Variants in AFF2 observed in about 807,000 individuals in gnomAD.
AFF2 encodes AF4/FMR2 family member 2.
AFF2 carries 14 observed loss-of-function variants against 76.9 expected under a neutral mutation model. That is an observed-to-expected ratio of 0.18 (90% CI 0.12 to 0.28). The LOEUF (loss-of-function observed/expected upper bound fraction) is 0.28, where lower values mean the gene tolerates loss of function less well. Among genes scored for constraint, AFF2 ranks in the 10% least tolerant of loss-of-function variants. The pLI, the probability that AFF2 is intolerant of heterozygous loss-of-function variation, is 1.00. For synonymous variants in AFF2, 398 were observed against 366.7 expected (o/e 1.09, Z -0.98); for missense variants, 868 against 1,001.1 (o/e 0.87, Z 1.79).
At chrX:148,779,241 C>T (rs1480873906) in intron 3 of AFF2, among the ~76,000 whole-genome samples, 1 of 111,588 alleles carries the variant, frequency 9.0e-6, no homozygotes, top group Non-Finnish European at 1.9e-5. Flanking sequence ...TTTGCATTTG[C>T]TGAGGAGTGT....
intron 3 of AFF2, among the ~76,000 whole-genome samples, chrX:148,800,968 C>A (rs1425408913): frequency 8.9e-6 from 1 of 112,032 alleles, no homozygotes; most frequent in South Asian, 3.8e-4. Context: ...TAATCGAGTT[C>A]TCTGTGCTCC....
chrX:148,581,322 A>G (rs111220972), intron 1 of AFF2, among the ~76,000 whole-genome samples: 1 of 78,026 alleles, frequency 1.3e-5, no homozygotes, highest in Non-Finnish European at 2.5e-5. Context: ...ATACGTGTAC[A>G]CACATATATA....
At chrX:148,538,865 C>T (rs1418596055) in intron 1 of AFF2, among the ~76,000 whole-genome samples, 1 of 111,246 alleles carries the variant, frequency 9.0e-6, no homozygotes, top group Non-Finnish European at 1.9e-5. Context: ...TTTTGAAGCC[C>T]CGTGACTTTT....
chrX:148,543,981 C>T (rs1411889028), intron 1 of AFF2, among the ~76,000 whole-genome samples: 2 of 111,981 alleles, frequency 1.8e-5, no homozygotes, highest in Non-Finnish European at 3.8e-5. Context: ...AGCTAATTAC[C>T]TCCCCTGGGA....
intron 16 of AFF2, among the ~76,000 whole-genome samples, 186 bp from the exon 17 acceptor site, chrX:148,977,747 T>C (rs2072344338): frequency 9.0e-6 from 1 of 111,318 alleles, no homozygotes; most frequent in Admixed American, 9.6e-5. Flanking sequence ...AGTCCTCTTA[T>C]GACATTTTTA....
intron 4 of AFF2, among the ~76,000 whole-genome samples, chrX:148,825,856 C>T (rs917449228): frequency 1.9e-5 from 2 of 107,899 alleles, no homozygotes; most frequent in African/African-American, 3.4e-5. Flanking sequence ...AGGAAGGCAA[C>T]GTGCTGTGGC....
intron 1 of AFF2, among the ~76,000 whole-genome samples, chrX:148,614,710 TTTCTTTCTTTC>T (rs782132210): frequency 3.0e-5 from 2 of 65,862 alleles, no homozygotes; most frequent in African/African-American, 1.8e-4. Context: ...TCTTTCTTTC[TTTCTTTCTTTC>T]TTTCTTTCTT....
intron 3 of AFF2, among the ~76,000 whole-genome samples, chrX:148,670,658 A>G: frequency 9.0e-6 from 1 of 111,231 alleles, no homozygotes; most frequent in Non-Finnish European, 1.9e-5. Flanking sequence ...GAGACCTAGG[A>G]ATTCTCTCAA....
At chrX:148,548,315 C>T (rs1557238421) in intron 1 of AFF2, among the ~76,000 whole-genome samples, 1 of 112,261 alleles carries the variant, frequency 8.9e-6, no homozygotes, top group African/African-American at 3.2e-5. Flanking sequence ...CACTACTTCC[C>T]AAGGTTTTGC....
chrX:148,683,289 C>T (rs782679653), intron 3 of AFF2, among the ~76,000 whole-genome samples: 1 of 112,156 alleles, frequency 8.9e-6, no homozygotes, highest in East Asian at 2.8e-4. Flanking sequence ...AAGATGAGGG[C>T]TTCATACATC....
At chrX:148,868,395 A>G (rs782440959) in intron 7 of AFF2, among the ~76,000 whole-genome samples, 1 of 112,005 alleles carries the variant, frequency 8.9e-6, no homozygotes, top group African/African-American at 3.2e-5. Context: ...GGCCGAAGTT[A>G]TGCTTTAGAA....
At chrX:148,586,544 G>C (rs1277115951) in intron 1 of AFF2, among the ~76,000 whole-genome samples, 1 of 111,656 alleles carries the variant, frequency 9.0e-6, no homozygotes, top group East Asian at 2.8e-4. Flanking sequence ...TCTGAGCTCT[G>C]TCAGTCTGCA....
rs781941308 is a variant in AFF2 at position 148,987,456 on chromosome X, G to A, written c.3713G>A (p.Arg1238His). 3.3e-6 allele frequency: 4 copies of A among 1,210,681 alleles called. No homozygotes were observed. The highest frequency in any genetic ancestry group is 3.0e-5 in the East Asian group (1 of 33,833). The change falls in exon 20 of 21, where the codon CGC becomes CAC. Residue 1238 changes from arginine (R) to histidine (H), a missense_variant. Arg to His is a conservative substitution (Grantham distance 29). Transcript: ENST00000370460. Reference protein sequence around the residue: ...CNNGPVTIPQRIHHMAASHVN... With the variant: ...CNNGPVTIPQHIHHMAASHVN... ...AATGGCCCAGTCACCATTCCCCAGCGCATTCACCACATGGCTGCCAGCCAC... is the reference window on the plus strand; with the variant it reads ...AATGGCCCAGTCACCATTCCCCAGCACATTCACCACATGGCTGCCAGCCAC...
intron 1 of AFF2, among the ~76,000 whole-genome samples, chrX:148,514,424 T>C (rs949131970): frequency 8.9e-6 from 1 of 112,686 alleles, no homozygotes; most frequent in African/African-American, 3.2e-5. Flanking sequence ...AAATGTGTAT[T>C]TGTAAATACG....
At chrX:148,563,521 G>A (rs2053137088) in intron 1 of AFF2, among the ~76,000 whole-genome samples, 1 of 111,142 alleles carries the variant, frequency 9.0e-6, no homozygotes, top group Non-Finnish European at 1.9e-5. Context: ...TGGGGGTGAT[G>A]GAGGTGAATG....
chrX:148,872,972 C>T (rs1250138321), intron 7 of AFF2, among the ~76,000 whole-genome samples: 3 of 111,679 alleles, frequency 2.7e-5, no homozygotes, highest in African/African-American at 9.8e-5. Flanking sequence ...AACATTCAGT[C>T]CACAGTGGTA....
intron 1 of AFF2, among the ~76,000 whole-genome samples, chrX:148,511,083 G>A (rs1183887405): frequency 2.7e-5 from 3 of 111,782 alleles, no homozygotes; most frequent in Non-Finnish European, 3.8e-5. Context: ...CAGGAATACC[G>A]TAGGGAAGTC....
In AFF2 at chrX:148,669,666, A is replaced by T. The variant is rs782453475; in HGVS notation, c.1041+6898A>T. Among the ~76,000 whole-genome samples, 160 of 111,169 alleles carry T rather than the reference A, an allele frequency of 1.4e-3. 2 individuals carry two copies. Among genetic ancestry groups the T allele is most frequent in the African/African-American group, 4.9e-3 (151 of 30,591 alleles). On this transcript the variant is annotated intron_variant, in intron 3 of 20. Transcript: ENST00000370460. The stretch of plus-strand genomic sequence containing the variant: ...AGACCTGCCCCCATGATTCAATTAC[A>T]TCCCACCAGATTCCTCCCATGAAGC...
chrX:148,979,929 T>C (rs1413822213), intron 18 of AFF2, among the ~76,000 whole-genome samples: 1 of 112,063 alleles, frequency 8.9e-6, no homozygotes, highest in Non-Finnish European at 1.9e-5. Context: ...TGAGCATCAC[T>C]GGGGATGTAA....
Sources: allele counts gnomAD v4.1 joint callset (sites outside exome capture counted in the v4.1 genomes callset), GRCh38; gene constraint gnomAD v4.1.1; transcripts MANE v1.5; gene names NCBI Gene and HGNC (gene_info 2026-07-23, HGNC 2026-07-21).